Variants in MAN1C1 observed in about 807,000 individuals in gnomAD.
MAN1C1 encodes mannosidase alpha class 1C member 1.
MAN1C1 carries 49 observed loss-of-function variants against 71.5 expected under a neutral mutation model. The ratio of observed to expected loss-of-function variants is 0.69; its 90% confidence interval spans 0.54 to 0.87. The LOEUF is 0.87. Ranked by LOEUF, MAN1C1 falls within the 40% of genes least tolerant of loss-of-function variation. The pLI, the probability that MAN1C1 is intolerant of heterozygous loss-of-function variation, is 0.00. For missense variants in MAN1C1, 743 were observed against 835.0 expected, an observed-to-expected ratio of 0.89 and a Z score of 1.36; for synonymous variants, 352 against 343.7, an observed-to-expected ratio of 1.02 and a Z score of -0.27.
At chr1:25,683,207 C>T (rs1426578449) in intron 1 of MAN1C1, among the ~76,000 whole-genome samples, 1 of 152,136 alleles carries the variant, frequency 6.6e-6, no homozygotes, top group Non-Finnish European at 1.5e-5. Context: ...TGTAGGTCAC[C>T]CTTTCTTGTG....
chr1:25,758,627 G>T lies in MAN1C1; in HGVS notation c.965G>T (p.Ser322Ile). 1 of 1,614,232 alleles carries T rather than the reference G, an allele frequency of 6.2e-7. No individual in the cohort carries two copies. The highest frequency in any genetic ancestry group is 8.5e-7 in the Non-Finnish European group (1 of 1,180,042). ...GGCTGGGCCACAGCCGGCAGCAGCAGCATCTTGGCGGAGTTTGGATCCCTG... is the reference window on the plus strand; with the variant it reads ...GGCTGGGCCACAGCCGGCAGCAGCATCATCTTGGCGGAGTTTGGATCCCTG... ...NWGWATAGSS[S>I]ILAEFGSLHL... The change falls in exon 6 of 12, where the codon AGC becomes ATC. Residue 322 changes from serine (S) to isoleucine (I), a missense_variant. Ser to Ile is a moderately radical substitution (Grantham distance 142, BLOSUM62 -2). Transcript: ENST00000374332.
chr1:25,752,997 G>C (rs1288100742), intron 4 of MAN1C1, among the ~76,000 whole-genome samples: 2 of 152,240 alleles, frequency 1.3e-5, no homozygotes, highest in Non-Finnish European at 1.5e-5. Flanking sequence ...GGCACCACCT[G>C]TTCCCATGCC....
At chr1:25,750,015 G>A (rs1046273061) in intron 4 of MAN1C1, among the ~76,000 whole-genome samples, 5 of 152,210 alleles carry the variant, frequency 3.3e-5, no homozygotes, top group Admixed American at 6.5e-5. Flanking sequence ...GCTACAGGAA[G>A]GCAGAGCTGG....
At chr1:25,738,173 G>A (rs552200427) in intron 2 of MAN1C1, among the ~76,000 whole-genome samples, 2 of 152,146 alleles carry the variant, frequency 1.3e-5, no homozygotes, top group East Asian at 3.9e-4. Context: ...AGAAACCTTT[G>A]CCTGGAAATA....
intron 2 of MAN1C1, among the ~76,000 whole-genome samples, chr1:25,744,454 C>T (rs1156862477): frequency 6.6e-6 from 1 of 152,152 alleles, no homozygotes; most frequent in Non-Finnish European, 1.5e-5. Flanking sequence ...CTGGGTCCTT[C>T]CAGCCTTCTC....
intron 1 of MAN1C1, among the ~76,000 whole-genome samples, chr1:25,647,963 A>G (rs542853940): frequency 6.6e-6 from 1 of 152,044 alleles, no homozygotes; most frequent in African/African-American, 2.4e-5. Flanking sequence ...CTATCCTCCC[A>G]CCCCTTGCTG....
At chr1:25,686,948 C>T (rs1160196432) in intron 2 of MAN1C1, among the ~76,000 whole-genome samples, 1 of 152,088 alleles carries the variant, frequency 6.6e-6, no homozygotes, top group African/African-American at 2.4e-5. Flanking sequence ...TTGCTGAACA[C>T]ATATCTGATG....
chr1:25,673,095 C>T (rs2046014629), intron 1 of MAN1C1, among the ~76,000 whole-genome samples: 1 of 151,962 alleles, frequency 6.6e-6, no homozygotes, highest in Non-Finnish European at 1.5e-5. Flanking sequence ...CGCCAGAAAT[C>T]CTGTTGAATA....
In MAN1C1 at chr1:25,782,509, A is replaced by G; in HGVS notation, c.1651-76A>G. ...TGCTTTCTTCTAGCTCCAGCCTGCC[A>G]GGCATGCACAAGTCTTGAGGGGCCT... On this transcript the variant is annotated intron_variant, in intron 10 of 11. Coordinates refer to ENST00000374332, the MANE Select transcript of MAN1C1 (RefSeq NM_020379.4). This position sits in a 1 kb window ranked among gnomAD's most constrained non-coding sequence, Gnocchi z 4.4. 1.1e-6 allele frequency: 1 copy of G among 931,100 alleles called. No homozygotes were observed. The highest frequency in any genetic ancestry group is 1.7e-6 in the Non-Finnish European group (1 of 574,632). The allele number at this position is 931,100 out of a possible 1,614,324, so 57.7% of individuals were successfully genotyped here. A position where few individuals can be genotyped will look rare whatever the true frequency, so the allele number is the denominator to read the frequency against.
chr1:25,689,752 A>G (rs1397120781), intron 2 of MAN1C1, among the ~76,000 whole-genome samples: 1 of 152,200 alleles, frequency 6.6e-6, no homozygotes, highest in Non-Finnish European at 1.5e-5. Context: ...TGAGCCCTGC[A>G]GACATGGGAC....
intron 10 of MAN1C1, 166 bp downstream of exon 10, chr1:25,781,278 A>T: frequency 1.4e-6 from 1 of 727,564 alleles, no homozygotes; most frequent in South Asian, 1.9e-5. Context: ...CAGAGCCAAG[A>T]GTCCCCAGCT....
intron 2 of MAN1C1, among the ~76,000 whole-genome samples, chr1:25,709,158 T>G (rs1241948981): frequency 6.6e-6 from 1 of 152,016 alleles, no homozygotes; most frequent in Non-Finnish European, 1.5e-5. Flanking sequence ...GTTTTCCTAT[T>G]TGAGAAGTGA....
At chr1:25,697,563 A>G (rs888993682) in intron 2 of MAN1C1, among the ~76,000 whole-genome samples, 53 of 152,362 alleles carry the variant, frequency 3.5e-4, no homozygotes, top group Middle Eastern at 3.4e-3. Flanking sequence ...TCTTGGGTAC[A>G]TGCCTAGGCA....
chr1:25,770,867 T>A lies in MAN1C1; in HGVS notation c.1142-790T>A, dbSNP rs76732180. Among the ~76,000 whole-genome samples the A allele has an allele frequency of 6.5e-3, 983 of 152,044 alleles. 16 individuals are homozygous for A. Among genetic ancestry groups the A allele is most frequent in the African/African-American group, 0.022 (907 of 41,462 alleles). On this transcript the variant is annotated intron_variant, in intron 7 of 11. Coordinates refer to ENST00000374332, the MANE Select transcript of MAN1C1 (RefSeq NM_020379.4). ...TAAGTGAATCAGAACACAGAACTGGTTTGTTCTTTGTTAAATCTATCAAAT... is the reference window on the plus strand; with the variant it reads ...TAAGTGAATCAGAACACAGAACTGGATTGTTCTTTGTTAAATCTATCAAAT...
chr1:25,762,089 A>G (rs991756615), intron 6 of MAN1C1, among the ~76,000 whole-genome samples: 1 of 147,974 alleles, frequency 6.8e-6, no homozygotes, highest in African/African-American at 2.5e-5. Flanking sequence ...ATTATATTCC[A>G]TTGTGTATAC....
intron 3 of MAN1C1, 35 bp from the exon 4 acceptor site, chr1:25,749,220 T>A (rs769702580): frequency 1.3e-6 from 2 of 1,578,956 alleles, no homozygotes; most frequent in East Asian, 4.5e-5. Context: ...CTTACAAGTG[T>A]CCCCACTGTC....
intron 2 of MAN1C1, among the ~76,000 whole-genome samples, chr1:25,724,122 G>A (rs1025852352): frequency 4.6e-5 from 7 of 150,598 alleles, no homozygotes; most frequent in African/African-American, 1.5e-4. Flanking sequence ...TCCGCCTCCC[G>A]GGTTCAAGCG....
At chr1:25,748,870 C>G (rs1412616520) in intron 3 of MAN1C1, among the ~76,000 whole-genome samples, 2 of 152,136 alleles carry the variant, frequency 1.3e-5, no homozygotes, top group Non-Finnish European at 2.9e-5. Context: ...CCTGCTGAGC[C>G]TTGGGGTCTC....
At chr1:25,691,606 G>C (rs571328167) in intron 2 of MAN1C1, among the ~76,000 whole-genome samples, 1 of 152,350 alleles carries the variant, frequency 6.6e-6, no homozygotes, top group South Asian at 2.1e-4. Context: ...AGTGTGTGCT[G>C]CTCCCATTTT....
Sources: gnomAD v4.1 joint callset for allele counts (sites outside exome capture counted in the v4.1 genomes callset) on GRCh38, gnomAD v4.1.1 for gene constraint, Gnocchi (gnomAD v3.1) non-coding constraint, MANE v1.5 for transcripts, NCBI Gene and HGNC (gene_info 2026-07-23, HGNC 2026-07-21) for gene names.